The following CTCFL variants were observed in gnomAD, a reference collection of about 807,000 sequenced individuals.
The protein encoded by CTCFL is transcriptional repressor CTCFL.
Under a neutral mutation model 67.4 loss-of-function variants are expected in CTCFL, and 36 were observed. The observed-to-expected ratio is 0.53, with a 90% confidence interval of 0.41 to 0.71. The LOEUF is 0.71. Among genes scored for constraint, CTCFL ranks in the 30% least tolerant of loss-of-function variants. The pLI, the probability that CTCFL is intolerant of heterozygous loss-of-function variation, is 0.00. For missense variants in CTCFL, 786 were observed against 835.2 expected (o/e 0.94, Z 0.73); for synonymous variants, 324 against 302.3 (o/e 1.07, Z -0.75).
At chr20:57,515,924 T>A in intron 5 of CTCFL, 90 bp from the exon 6 acceptor site, 1 of 1,399,016 alleles carries the variant, frequency 7.1e-7, no homozygotes, top group Non-Finnish European at 9.7e-7. Context: ...AGATTTAAAT[T>A]AATCATATTT....
Position 57,523,113 on chromosome 20 carries a change from C to T in CTCFL, c.709G>A (p.Asp237Asn). Residue 237 changes from aspartate (D) to asparagine (N), a missense_variant, in exon 3 of 11, where the codon GAT becomes AAT. Physicochemically the swap from Asp to Asn is conservative, Grantham distance 23. Coordinates refer to ENST00000243914, the MANE Select transcript of CTCFL (RefSeq NM_001386993.1). ...QEDQPTAGQA[D>N]AEKAKSTKNQ... ...TTTGTAGATTTGGCCTTTTCAGCATCTGCTTGACCAGCTGTAGGTTGATCC... is the reference window on the plus strand; with the variant it reads ...TTTGTAGATTTGGCCTTTTCAGCATTTGCTTGACCAGCTGTAGGTTGATCC... The T allele has an allele frequency of 6.2e-7, 1 of 1,613,950 alleles. No individual in the cohort carries two copies. The highest frequency in any genetic ancestry group is 8.5e-7 in the Non-Finnish European group (1 of 1,179,990).
At chr20:57,516,317 C>A (rs2068920939) in intron 5 of CTCFL, among the ~76,000 whole-genome samples, 1 of 152,072 alleles carries the variant, frequency 6.6e-6, no homozygotes, top group African/African-American at 2.4e-5. Flanking sequence ...AGGGGTGGAT[C>A]ACCTGAGCTG....
chr20:57,523,811 T>C lies in CTCFL; in HGVS notation c.395A>G (p.Gln132Arg). 6.2e-7 allele frequency: 1 copy of C among 1,613,126 alleles called. No individual in the cohort carries two copies. The highest frequency in any genetic ancestry group is 8.5e-7 in the Non-Finnish European group (1 of 1,180,042). ...TTGCTGGATACTAATGGCCACACAC[T>C]GCTGCAGGCTCTGCCGGGGCCCTTC... ...LEEGPRQSLQ[Q>R]CVAISIQQEL... Residue 132 changes from glutamine to arginine, a missense_variant, in exon 2 of 11, where the codon CAG (glutamine) becomes CGG (arginine). Around this residue, in one of 3 missense-constraint regions of CTCFL, gnomAD observed 333 missense variants for 304.6 expected, o/e 1.09. Transcript: ENST00000243914.
intron 10 of CTCFL, among the ~76,000 whole-genome samples, chr20:57,501,583 C>T (rs771298881): frequency 9.2e-5 from 14 of 152,212 alleles, no homozygotes; most frequent in Non-Finnish European, 1.6e-4. Flanking sequence ...GCTTGATACC[C>T]ATCAGTGAGA....
At chr20:57,522,671 T>C (rs2069470755) in intron 3 of CTCFL, among the ~76,000 whole-genome samples, 1 of 152,138 alleles carries the variant, frequency 6.6e-6, no homozygotes, top group African/African-American at 2.4e-5. Flanking sequence ...TCACCTCCCT[T>C]AGAAGGCACC....
At position 57,497,335 on chromosome 20, in the gene CTCFL, A is replaced by G. The variant is rs2146265152; in HGVS notation, c.*1215T>C. ...TAAATTAATTTGCTGGTACAAAGAG[A>G]ATATAATGCTCTTCCTGCTGGGAAA... is the stretch of plus-strand genomic sequence containing the variant. On this transcript the variant is annotated 3_prime_UTR_variant, in exon 11 of 11. Transcript: ENST00000243914. The G allele has an allele frequency of 1.0e-6, 1 of 985,148 alleles. No individual in the cohort carries two copies. Among genetic ancestry groups the G allele is most frequent in the East Asian group, 1.1e-4 (1 of 8,820 alleles). 61.0% of individuals were successfully genotyped at this position (985,148 alleles called of 1,614,324 possible). A position where few individuals can be genotyped will look rare whatever the true frequency, so the allele number is the denominator to read the frequency against.
chr20:57,515,009 C>T (rs931881335), intron 6 of CTCFL: 4 of 450,896 alleles, frequency 8.9e-6, no homozygotes, highest in African/African-American at 2.0e-5. Flanking sequence ...TGGGGCTGTA[C>T]GAATAACCAA....
At position 57,523,894 on chromosome 20, in the gene CTCFL, C is replaced by T; in HGVS notation, c.312G>A (p.Gln104=). 4 of 1,613,182 alleles carry T rather than the reference C, an allele frequency of 2.5e-6. No homozygotes were observed. Among genetic ancestry groups the T allele is most frequent in the Non-Finnish European group, 3.4e-6 (4 of 1,180,036 alleles). ...GCACCACCACCTGCACCCCTTCTTG[C>T]TGCTGTATGCTCAGCAAGCTCATAT... ...LQDMSLLSIQ[Q]QEGVQVVVQQ... The change falls in exon 2 of 11, where the codon CAG becomes CAA. Residue 104 remains glutamine (Q), a synonymous_variant. Coordinates refer to ENST00000243914, the MANE Select transcript of CTCFL (RefSeq NM_001386993.1).
intron 3 of CTCFL, among the ~76,000 whole-genome samples, chr20:57,519,762 T>C (rs717798): frequency 0.3 from 45,916 of 152,006 alleles, 7,459 homozygotes; most frequent in East Asian, 0.4. Flanking sequence ...CCCTGCATTC[T>C]CTGTAGGGTG....
rs1236390962 is a variant in CTCFL, at chr20:57,503,460, A to C, written c.1816T>G (p.Trp606Gly). ...TKGQKEAAKG[W>G]KEAANGDEAA... ...CCGTCTCCGTTCGCGGCTTCCTTCCATCCCTTCGCAGCTTCCTTCTGACCC... is the reference window on the plus strand; with the variant it reads ...CCGTCTCCGTTCGCGGCTTCCTTCCCTCCCTTCGCAGCTTCCTTCTGACCC... Residue 606 changes from tryptophan (W) to glycine (G), a missense_variant, in exon 10 of 11, where the codon TGG becomes GGG. Trp to Gly is a radical substitution (Grantham distance 184). This residue lies in a region of CTCFL where 199 missense variants were observed against 196.7 expected (regional missense o/e 1.01). Transcript: ENST00000243914. 6.2e-7 allele frequency: 1 copy of C among 1,614,034 alleles called. No homozygotes were observed. Among genetic ancestry groups the C allele is most frequent in the Non-Finnish European group, 8.5e-7 (1 of 1,180,012 alleles).
At chr20:57,524,501 AG>A (rs1486355540) in intron 1 of CTCFL, 19 of 1,209,418 alleles carry the variant, frequency 1.6e-5, no homozygotes, top group Non-Finnish European at 1.9e-5. Context: ...GCGCCTGGCA[AG>A]GTTCCGCCTG....
intron 8 of CTCFL, 106 bp from the exon 9 acceptor site, chr20:57,508,894 TC>T: frequency 9.7e-7 from 1 of 1,035,282 alleles, no homozygotes; most frequent in Non-Finnish European, 1.4e-6. Context: ...CAAAGATGAG[TC>T]CACTATTAAG....
intron 3 of CTCFL, 53 bp downstream of exon 3, chr20:57,523,014 GA>G (rs11477755): frequency 0.35 from 503,698 of 1,437,648 alleles, 90,210 homozygotes; most frequent in Middle Eastern, 0.42. Context: ...TGCCCATAAA[GA>G]AAAACAGCAG....
chr20:57,519,736 C>G (rs1354394134), intron 3 of CTCFL, among the ~76,000 whole-genome samples: 1 of 152,046 alleles, frequency 6.6e-6, no homozygotes, highest in Non-Finnish European at 1.5e-5. Context: ...TGAAGTGGGG[C>G]GCCCAAGAAA....
intron 8 of CTCFL, among the ~76,000 whole-genome samples, chr20:57,511,592 C>CA (rs1265948861): frequency 6.6e-6 from 1 of 151,070 alleles, no homozygotes; most frequent in African/African-American, 2.5e-5. Context: ...CTCTAATCCC[C>CA]CCCCTTTTTT....
Position 57,523,789 on chromosome 20 carries a change from C to T in CTCFL, c.417G>A (p.Gln139=). The T allele has an allele frequency of 6.2e-7, 1 of 1,613,344 alleles. No homozygotes were observed. The highest frequency in any genetic ancestry group is 8.5e-7 in the Non-Finnish European group (1 of 1,180,040). ...TCTCTTGCGGGGAGTACAGCTCTTG[C>T]TGGATACTAATGGCCACACACTGCT... ...SLQQCVAISI[Q]QELYSPQEME... is the part of the protein sequence containing the mutation. Residue 139 remains glutamine, a synonymous_variant, in exon 2 of 11, where the codon CAG becomes CAA. Coordinates refer to ENST00000243914, the MANE Select transcript of CTCFL (RefSeq NM_001386993.1).
chr20:57,519,158 A>G (rs781742546), intron 4 of CTCFL, 49 bp downstream of exon 4: 24 of 1,561,406 alleles, frequency 1.5e-5, no homozygotes, highest in Non-Finnish European at 2.0e-5. Context: ...TCTTAACATA[A>G]GCCTTAACAC....
At position 57,523,497 on chromosome 20, in the gene CTCFL, C is replaced by CT. The variant is rs1227291304; in HGVS notation, c.543+165dup. 3.3e-5 allele frequency among the ~76,000 whole-genome samples: 5 copies of CT among 152,090 alleles called. No homozygotes were observed. In the South Asian group the frequency reaches 1.0e-3, roughly 32 times the overall value. On this transcript the variant is annotated intron_variant, in intron 2 of 10. Coordinates refer to ENST00000243914, the MANE Select transcript of CTCFL (RefSeq NM_001386993.1). The stretch of plus-strand genomic sequence containing the variant: ...TCCAATTAGCACCACTTTTAAAACT[C>CT]TTTTTTAAAAAAGAACCTAAGAACT...
At chr20:57,503,017 A>G (rs2067997906) in intron 10 of CTCFL, among the ~76,000 whole-genome samples, 1 of 152,188 alleles carries the variant, frequency 6.6e-6, no homozygotes, top group Admixed American at 6.5e-5. Context: ...AGAGGCTAGG[A>G]GGGACCCTCC....
Sources: allele counts gnomAD v4.1 joint callset (sites outside exome capture counted in the v4.1 genomes callset), GRCh38; gene constraint gnomAD v4.1.1; regional missense constraint gnomAD v4.1.1; transcripts MANE v1.5; gene names NCBI Gene and HGNC (gene_info 2026-07-23, HGNC 2026-07-21).